The following PLPPR1 variants were observed in gnomAD, a reference collection of about 807,000 sequenced individuals.
PLPPR1 encodes phospholipid phosphatase related 1, also known as phospholipid phosphatase-related protein type 1.
PLPPR1 carries 10 observed loss-of-function variants against 33.1 expected under a neutral mutation model. That is an observed-to-expected ratio of 0.30 (90% CI 0.19 to 0.51). The LOEUF is 0.51. PLPPR1 is among the 20% of genes least tolerant of loss of function. PLPPR1 has a pLI of 0.97. For missense variants in PLPPR1, 304 were observed against 408.1 expected, an observed-to-expected ratio of 0.74 and a Z score of 2.20; for synonymous variants, 151 against 151.0, an observed-to-expected ratio of 1.00 and a Z score of 0.00.
At position 101,077,949 on chromosome 9, in the gene PLPPR1, G is replaced by T. The variant is rs1830559987; in HGVS notation, c.-46+48847G>T. 2.0e-5 allele frequency among the ~76,000 whole-genome samples: 3 copies of T among 151,202 alleles called. No individual in the cohort carries two copies. In the South Asian group the frequency reaches 6.3e-4, roughly 32 times the overall value. On this transcript the variant is annotated intron_variant, in intron 1 of 7. Transcript: ENST00000374874. ...CACTTTTATATGTGAGGGGGAAACAGAATTTGTAAATGTTTATGATCATTC... is the reference window on the plus strand; with the variant it reads ...CACTTTTATATGTGAGGGGGAAACATAATTTGTAAATGTTTATGATCATTC...
chr9:101,246,076 A>ATG (rs1320270970), intron 2 of PLPPR1, among the ~76,000 whole-genome samples: 1 of 100,254 alleles, frequency 1.0e-5, no homozygotes, highest in African/African-American at 3.2e-5. Context: ...ATATATATAT[A>ATG]TATATATATA....
At chr9:101,070,225 C>T (rs1830465625) in intron 1 of PLPPR1, among the ~76,000 whole-genome samples, 1 of 152,050 alleles carries the variant, frequency 6.6e-6, no homozygotes, top group African/African-American at 2.4e-5. Flanking sequence ...TTCTTCTGTA[C>T]AGGAGATTCA....
chr9:101,194,119 C>T (rs1011424065), intron 2 of PLPPR1, among the ~76,000 whole-genome samples: 4 of 152,146 alleles, frequency 2.6e-5, no homozygotes, highest in African/African-American at 9.7e-5. Flanking sequence ...AATCAGAAAA[C>T]TCCTTTGACG....
At chr9:101,088,472 C>T (rs924017778) in intron 1 of PLPPR1, among the ~76,000 whole-genome samples, 3 of 151,900 alleles carry the variant, frequency 2.0e-5, no homozygotes, top group Admixed American at 2.0e-4. Flanking sequence ...TTATAGAAGT[C>T]AGATAGGCCA....
chr9:101,300,898 G>A (rs1039092463), intron 4 of PLPPR1, among the ~76,000 whole-genome samples: 2 of 152,158 alleles, frequency 1.3e-5, no homozygotes, highest in African/African-American at 2.4e-5. Context: ...TAGAGGGACC[G>A]AGAAGATATT....
chr9:101,225,433 C>A (rs1432972389), intron 2 of PLPPR1, among the ~76,000 whole-genome samples: 1 of 152,158 alleles, frequency 6.6e-6, no homozygotes, highest in Non-Finnish European at 1.5e-5. Flanking sequence ...CTGTGCAGGG[C>A]TGACTGGCTC....
At chr9:101,114,439 G>C (rs1045767720) in intron 1 of PLPPR1, among the ~76,000 whole-genome samples, 1 of 152,214 alleles carries the variant, frequency 6.6e-6, no homozygotes, top group Non-Finnish European at 1.5e-5. Context: ...AGATATGGCT[G>C]TGTGGATAGG....
At chr9:101,294,776 A>T (rs1252568234) in intron 4 of PLPPR1, among the ~76,000 whole-genome samples, 1 of 152,098 alleles carries the variant, frequency 6.6e-6, no homozygotes, top group Non-Finnish European at 1.5e-5. Flanking sequence ...AACTCTCAAT[A>T]AATTAGGTAT....
intron 1 of PLPPR1, among the ~76,000 whole-genome samples, chr9:101,056,497 A>T (rs1398369990): frequency 6.6e-6 from 1 of 152,172 alleles, no homozygotes; most frequent in Non-Finnish European, 1.5e-5. Context: ...CAGATTTATT[A>T]TAGCATGGGC....
chr9:101,129,455 G>C (rs1373965112), intron 1 of PLPPR1, among the ~76,000 whole-genome samples: 2 of 152,082 alleles, frequency 1.3e-5, no homozygotes, highest in African/African-American at 4.8e-5. Flanking sequence ...CCCAGAACTA[G>C]AAACTACCCA....
At chr9:101,075,896 C>T (rs1324742662) in intron 1 of PLPPR1, among the ~76,000 whole-genome samples, 2 of 151,814 alleles carry the variant, frequency 1.3e-5, no homozygotes, top group Non-Finnish European at 2.9e-5. Flanking sequence ...AGGTGAAGAG[C>T]AAAGTGAGAA....
At position 101,030,161 on chromosome 9, in the gene PLPPR1, GCA is replaced by G. The variant is rs1184492378; in HGVS notation, c.-46+1061_-46+1062del. ...CTGGGGCGGGATCTCAGAGTGCAGT[GCA>G]CCCGCTGCACCCGGGAAAAGCGTCA... On this transcript the variant is annotated intron_variant, in intron 1 of 7. Transcript: ENST00000374874. 2.0e-5 allele frequency among the ~76,000 whole-genome samples: 3 copies of G among 152,018 alleles called. No homozygotes were observed. The East Asian group carries it at 5.9e-4, about 30-fold the overall frequency.
intron 1 of PLPPR1, among the ~76,000 whole-genome samples, chr9:101,134,870 A>C (rs1831359448): frequency 6.6e-6 from 1 of 152,188 alleles, no homozygotes. Context: ...TGGGAGAATC[A>C]GAGGATATCT....
At chr9:101,065,226 C>T (rs1830396901) in intron 1 of PLPPR1, among the ~76,000 whole-genome samples, 1 of 152,092 alleles carries the variant, frequency 6.6e-6, no homozygotes. Context: ...AGCACTTAAC[C>T]TCCTCCATGC....
At chr9:101,282,061 C>A (rs113235609) in intron 3 of PLPPR1, among the ~76,000 whole-genome samples, 145 of 152,266 alleles carry the variant, frequency 9.5e-4, no homozygotes, top group South Asian at 8.5e-3. Context: ...GGGACTACTT[C>A]CAAATTCATT....
chr9:101,101,911 TA>T (rs1830905792), intron 1 of PLPPR1, among the ~76,000 whole-genome samples: 1 of 152,126 alleles, frequency 6.6e-6, no homozygotes, highest in African/African-American at 2.4e-5. Context: ...AGAAGCCCTT[TA>T]AAGAGTACTT....
Position 101,323,951 on chromosome 9 carries a change from AT to A in PLPPR1, c.946-71del. 2.3e-6 allele frequency: 3 copies of A among 1,289,260 alleles called. No homozygotes were observed. In the South Asian group the frequency reaches 3.7e-5, roughly 16 times the overall value. The allele number at this position is 1,289,260 out of a possible 1,614,324, so 79.9% of individuals were successfully genotyped here. Reference sequence around the variant, plus strand: ...CCTTGAGGAGACAAAACAAGGGAATATTTAGGGACAAGTGAGTGTGCACGTG... The same window carrying A: ...CCTTGAGGAGACAAAACAAGGGAATATTAGGGACAAGTGAGTGTGCACGTG... On this transcript the variant is annotated intron_variant, in intron 7 of 7. Transcript: ENST00000374874.
At chr9:101,289,017 T>G (rs1828445739) in intron 4 of PLPPR1, among the ~76,000 whole-genome samples, 1 of 152,188 alleles carries the variant, frequency 6.6e-6, no homozygotes, top group African/African-American at 2.4e-5. Context: ...CCCTTCACAA[T>G]CTGAGGTCCT....
At chr9:101,306,435 T>G (rs1176780167) in intron 4 of PLPPR1, among the ~76,000 whole-genome samples, 1 of 152,230 alleles carries the variant, frequency 6.6e-6, no homozygotes, top group Non-Finnish European at 1.5e-5. Context: ...GCAGCTGATT[T>G]CAGAAACTTT....
Sources: allele counts gnomAD v4.1 joint callset (sites outside exome capture counted in the v4.1 genomes callset), GRCh38; gene constraint gnomAD v4.1.1; transcripts MANE v1.5; gene names NCBI Gene and HGNC (gene_info 2026-07-23, HGNC 2026-07-21).